The following COL5A2 variants were observed in gnomAD, a reference collection of about 807,000 sequenced individuals.
The protein encoded by COL5A2 is collagen type V alpha 2 chain.
Under a neutral mutation model 208.2 loss-of-function variants are expected in COL5A2, and 23 were observed. That is an observed-to-expected ratio of 0.11 (90% CI 0.08 to 0.16). The LOEUF (loss-of-function observed/expected upper bound fraction) is 0.16. Ranked by LOEUF, COL5A2 falls within the 10% of genes least tolerant of loss-of-function variation. The pLI, the probability that COL5A2 is intolerant of heterozygous loss-of-function variation, is 1.00. For missense variants in COL5A2, 1,590 were observed against 1,956.4 expected (o/e 0.81, Z 3.53); for synonymous variants, 625 against 628.5 (o/e 0.99, Z 0.08).
the COL5A2 span, among the ~76,000 whole-genome samples, chr2:189,387,364 T>C: frequency 1.3e-5 from 2 of 152,146 alleles, no homozygotes; most frequent in Non-Finnish European, 2.9e-5. Flanking sequence ...TATTGGGTAC[T>C]ATGCTCAATA....
intron 1 of COL5A2, among the ~76,000 whole-genome samples, chr2:189,155,383 T>A (rs188086638): frequency 1.8e-3 from 277 of 152,292 alleles, no homozygotes; most frequent in African/African-American, 6.1e-3. Flanking sequence ...GCCTTTCACC[T>A]GCCTGATTCC....
chr2:189,164,872 G>A (rs1688436636), intron 1 of COL5A2, among the ~76,000 whole-genome samples: 3 of 152,160 alleles, frequency 2.0e-5, no homozygotes, highest in African/African-American at 7.2e-5. Context: ...CTGACACAGG[G>A]CCAGTTGCTA....
chr2:189,423,274 C>T, the COL5A2 span, among the ~76,000 whole-genome samples: 1 of 151,320 alleles, frequency 6.6e-6, no homozygotes, highest in Non-Finnish European at 1.5e-5. Context: ...CACTAAGTGC[C>T]TACATCAAAA....
rs73978870 is a variant in COL5A2 at position 189,098,882 on chromosome 2, A to G, written c.370-123T>C. ...ATTTTTTTAACAAATGGATGTTGTC[A>G]ATTGATGACCATTTCCTCCTCTCCT... is the stretch of plus-strand genomic sequence containing the variant. On this transcript the variant is annotated intron_variant, in intron 4 of 53. Coordinates refer to ENST00000374866, the MANE Select transcript of COL5A2 (RefSeq NM_000393.5). The G allele has an allele frequency of 1.5e-4, 101 of 691,374 alleles. No homozygotes were observed. In the African/African-American group the frequency reaches 1.7e-3, roughly 12 times the overall value. 42.8% of individuals were successfully genotyped at this position (691,374 alleles called of 1,614,324 possible). A position where few individuals can be genotyped will look rare whatever the true frequency, so the allele number is the denominator to read the frequency against.
intron 51 of COL5A2, among the ~76,000 whole-genome samples, chr2:189,037,349 T>C (rs1685464892): frequency 6.6e-6 from 1 of 152,218 alleles, no homozygotes; most frequent in Non-Finnish European, 1.5e-5. Context: ...GTGGTAGGCA[T>C]ACAGTCAAAT....
the COL5A2 span, among the ~76,000 whole-genome samples, chr2:189,310,974 A>C: frequency 6.6e-6 from 1 of 150,968 alleles, no homozygotes; most frequent in Non-Finnish European, 1.5e-5. Flanking sequence ...TAATGAGTAC[A>C]AAAAAAAATT....
chr2:189,191,185 A>T (rs1046838157), intron 1 of COL5A2, among the ~76,000 whole-genome samples: 5 of 149,986 alleles, frequency 3.3e-5, no homozygotes, highest in Non-Finnish European at 7.4e-5. Context: ...AACAACAACA[A>T]AAAAAACCAC....
the COL5A2 span, among the ~76,000 whole-genome samples, chr2:189,344,855 G>A: frequency 6.6e-6 from 1 of 152,198 alleles, no homozygotes; most frequent in South Asian, 2.1e-4. Context: ...AGCTGCTTAG[G>A]AGGGCTTCTG....
the COL5A2 span, among the ~76,000 whole-genome samples, chr2:189,236,830 T>C: frequency 1.3e-5 from 2 of 151,922 alleles, no homozygotes; most frequent in Admixed American, 6.6e-5. Context: ...CCACTCACTC[T>C]TTTAATGATA....
the COL5A2 span, among the ~76,000 whole-genome samples, chr2:189,324,386 G>A: frequency 6.6e-5 from 10 of 152,248 alleles, no homozygotes; most frequent in Non-Finnish European, 1.0e-4. Context: ...GCAACCTACA[G>A]AATGGGAGAA....
In COL5A2 at chr2:189,039,511, A is replaced by G. The variant is rs1685514475; in HGVS notation, c.3686T>C (p.Leu1229Pro). Residue 1229 changes from leucine to proline, a missense_variant, in exon 51 of 54, where the codon CTT becomes CCT. By Grantham distance (98) the Leu-to-Pro change is moderately conservative. Transcript: ENST00000374866. Reference sequence around the variant, plus strand: ...CATGATATCCCCAAGAGCAGCTGTAAGGTGGCCAGGGGGACCCGGAGGGCC... The same window carrying G: ...CATGATATCCCCAAGAGCAGCTGTAGGGTGGCCAGGGGGACCCGGAGGGCC... ...PPGPPGPPGH[L>P]TAALGDIMGH... is the part of the protein sequence containing the mutation. 2 of 1,613,928 alleles carry G rather than the reference A, an allele frequency of 1.2e-6. No homozygotes were observed. The highest frequency in any genetic ancestry group is 1.7e-6 in the Non-Finnish European group (2 of 1,180,006).
chr2:189,270,620 T>C, the COL5A2 span, among the ~76,000 whole-genome samples: 1 of 152,234 alleles, frequency 6.6e-6, no homozygotes, highest in African/African-American at 2.4e-5. Flanking sequence ...TTCTTTTGCG[T>C]TTGCTGAAGA....
At chr2:189,275,581 G>A in the COL5A2 span, among the ~76,000 whole-genome samples, 1 of 151,358 alleles carries the variant, frequency 6.6e-6, no homozygotes, top group South Asian at 2.1e-4. Context: ...AGCCTCTCCA[G>A]CAGCTGGGAT....
In COL5A2 at chr2:189,098,727, T is replaced by C; in HGVS notation, c.402A>G (p.Ala134=). ...VTGIRGRPGP[A]GPPGSQGPRG... The stretch of plus-strand genomic sequence containing the variant: ...AAGAATATTGGGAGAAACTACTTAC[T>C]GCCGGTCCTGGACGACCACGTATGC... Residue 134 remains alanine, a splice_region_variant and synonymous_variant, in exon 5 of 54, where the codon GCA becomes GCG. Transcript: ENST00000374866. 1 of 1,612,380 alleles carries C rather than the reference T, an allele frequency of 6.2e-7. No individual in the cohort carries two copies. The highest frequency in any genetic ancestry group is 8.5e-7 in the Non-Finnish European group (1 of 1,178,538).
At chr2:189,168,306 T>A (rs1055363945) in intron 1 of COL5A2, among the ~76,000 whole-genome samples, 5 of 151,520 alleles carry the variant, frequency 3.3e-5, no homozygotes, top group African/African-American at 4.8e-5. Flanking sequence ...GTGCCCTCTG[T>A]CCTCTCAAAG....
intron 43 of COL5A2, among the ~76,000 whole-genome samples, chr2:189,050,172 A>T (rs1685753549): frequency 6.6e-6 from 1 of 152,148 alleles, no homozygotes; most frequent in African/African-American, 2.4e-5. Flanking sequence ...ACTTTAGCTC[A>T]ACTATGTCTT....
At chr2:189,059,968 T>C (rs142130167) in intron 31 of COL5A2, among the ~76,000 whole-genome samples, 104 of 152,174 alleles carry the variant, frequency 6.8e-4, no homozygotes, top group Non-Finnish European at 1.3e-3. Flanking sequence ...ATCAGGCCCC[T>C]GAGTCACCCT....
chr2:189,181,907 C>T (rs1416732296), upstream of COL5A2, among the ~76,000 whole-genome samples: 1 of 152,206 alleles, frequency 6.6e-6, no homozygotes, highest in Non-Finnish European at 1.5e-5. Context: ...TCCCACCCTA[C>T]TGAAAGCTCA....
chr2:189,278,246 T>C, the COL5A2 span, among the ~76,000 whole-genome samples: 12 of 152,156 alleles, frequency 7.9e-5, no homozygotes, highest in Non-Finnish European at 1.6e-4. Context: ...AAAAAATATT[T>C]CACCCTCATT....
Sources: allele counts gnomAD v4.1 joint callset (sites outside exome capture counted in the v4.1 genomes callset), GRCh38; gene constraint gnomAD v4.1.1; transcripts MANE v1.5; gene names NCBI Gene and HGNC (gene_info 2026-07-23, HGNC 2026-07-21).